Variants in NDUFAF6 observed in about 807,000 individuals in gnomAD.
NDUFAF6 encodes NADH dehydrogenase (ubiquinone) complex I, assembly factor 6.
NDUFAF6 carries 45 observed loss-of-function variants against 40.8 expected under a neutral mutation model. That is an observed-to-expected ratio of 1.10 (90% CI 0.87 to 1.42). The LOEUF (loss-of-function observed/expected upper bound fraction) is 1.42, where lower values mean the gene tolerates loss of function less well. Among genes scored for constraint, NDUFAF6 ranks in the 40% most tolerant of loss-of-function variants. The pLI, the probability that NDUFAF6 is intolerant of heterozygous loss-of-function variation, is 0.00. For synonymous variants in NDUFAF6, 185 were observed against 155.9 expected (o/e 1.19, Z -1.39); for missense variants, 435 against 418.5 (o/e 1.04, Z -0.34).
chr8:95,061,799 G>T (rs1261651588), downstream of NDUFAF6, among the ~76,000 whole-genome samples: 1 of 152,084 alleles, frequency 6.6e-6, no homozygotes, highest in Non-Finnish European at 1.5e-5. Flanking sequence ...TGTAGTATAC[G>T]CTGAAAGATA....
intron 9 of NDUFAF6, among the ~76,000 whole-genome samples, chr8:95,072,431 A>G (rs910034004): frequency 1.3e-5 from 2 of 152,244 alleles, no homozygotes; most frequent in African/African-American, 4.8e-5. Context: ...CTTGTAACAG[A>G]GCCCTTAGAT....
At chr8:95,104,769 C>G (rs1466169), downstream of NDUFAF6, among the ~76,000 whole-genome samples, 125,545 of 152,106 alleles carry the variant, frequency 0.83, 52,196 homozygotes, top group East Asian at 1. Flanking sequence ...CTGCAGCCCC[C>G]TCACAGCAAG....
intron 1 of NDUFAF6, among the ~76,000 whole-genome samples, chr8:94,971,084 G>A (rs1318508826): frequency 6.6e-6 from 1 of 152,244 alleles, no homozygotes; most frequent in African/African-American, 2.4e-5. Context: ...AAACTATTCT[G>A]TGTGAGTAAA....
chr8:94,998,256 C>G (rs1218884978), intron 2 of NDUFAF6, among the ~76,000 whole-genome samples: 1 of 152,136 alleles, frequency 6.6e-6, no homozygotes, highest in Middle Eastern at 3.2e-3. Flanking sequence ...GCCCCGTGCA[C>G]AAAGCACAAA....
At position 95,058,147 on chromosome 8, in the gene NDUFAF6, GCC is replaced by G; in HGVS notation, c.*212_*213del. Reference sequence around the variant, plus strand: ...AGAGGCACTGCCATTGGCACCCCTGGCCCAGACAGTGTCTGCTGTGCTGTCCC... The same window carrying G: ...AGAGGCACTGCCATTGGCACCCCTGGCAGACAGTGTCTGCTGTGCTGTCCC... On this transcript the variant is annotated 3_prime_UTR_variant, in exon 9 of 9. Coordinates refer to ENST00000396124, the MANE Select transcript of NDUFAF6 (RefSeq NM_152416.4). The G allele has an allele frequency of 6.9e-7, 1 of 1,443,042 alleles. No homozygotes were observed. 89.4% of individuals were successfully genotyped at this position (1,443,042 alleles called of 1,614,324 possible).
chr8:95,053,181 C>G (rs1284190720), intron 8 of NDUFAF6, among the ~76,000 whole-genome samples: 1 of 152,094 alleles, frequency 6.6e-6, no homozygotes, highest in African/African-American at 2.4e-5. Context: ...CTTAATTGAG[C>G]TTTTGCTAAT....
Position 95,069,812 on chromosome 8 carries a change from A to T in NDUFAF6, c.*512-5821A>T, listed in dbSNP as rs1458413759. On this transcript the variant is annotated intron_variant and NMD_transcript_variant, in intron 9 of 9. Transcript: ENST00000520757. ...AAAAAAAATTATATATATATATATA[A>T]ATATATATATATATAATATATATGT... 4.9e-5 allele frequency among the ~76,000 whole-genome samples: 7 copies of T among 143,886 alleles called. No homozygotes were observed. The East Asian group carries it at 7.9e-4, about 16-fold the overall frequency. 94.4% of individuals were successfully genotyped at this position (143,886 alleles called of 152,430 possible).
chr8:94,967,952 A>AG (rs1163641952), intron 1 of NDUFAF6, among the ~76,000 whole-genome samples: 2 of 151,998 alleles, frequency 1.3e-5, no homozygotes, highest in Non-Finnish European at 1.5e-5. Context: ...AAAAAAAAAA[A>AG]AAAAAGTCAG....
chr8:95,077,911 C>T (rs1256438895), downstream of NDUFAF6, among the ~76,000 whole-genome samples: 1 of 151,498 alleles, frequency 6.6e-6, no homozygotes, highest in Non-Finnish European at 1.5e-5. Context: ...TGGCCAGCCC[C>T]CCGAGATGGA....
At chr8:94,990,655 C>A (rs1156527768) in intron 2 of NDUFAF6, among the ~76,000 whole-genome samples, 1 of 152,192 alleles carries the variant, frequency 6.6e-6, no homozygotes, top group African/African-American at 2.4e-5. Flanking sequence ...CTACCCAGAG[C>A]AACAGCTACT....
chr8:94,899,488 CTATT>C (rs1321821552), intron 1 of NDUFAF6, among the ~76,000 whole-genome samples: 32 of 152,158 alleles, frequency 2.1e-4, no homozygotes, highest in South Asian at 2.1e-4. Context: ...CCTTCACATA[CTATT>C]AACTCCTTCA....
intron 9 of NDUFAF6, among the ~76,000 whole-genome samples, chr8:95,064,847 G>A (rs1027526664): frequency 2.1e-4 from 32 of 152,118 alleles, no homozygotes; most frequent in Non-Finnish European, 7.4e-5. Flanking sequence ...GAATCTAAAC[G>A]GACGGGCCTT....
intron 2 of NDUFAF6, among the ~76,000 whole-genome samples, chr8:95,084,585 C>T (rs146279226): frequency 3.0e-3 from 463 of 152,294 alleles, no homozygotes; most frequent in African/African-American, 0.01. Context: ...AACACATTGG[C>T]GTCACTTTCC....
chr8:95,057,330 G>A (rs1832308944), intron 8 of NDUFAF6, among the ~76,000 whole-genome samples: 1 of 152,108 alleles, frequency 6.6e-6, no homozygotes, highest in African/African-American at 2.4e-5. Context: ...TGATAATTTT[G>A]CCTGGTTGAA....
chr8:94,896,760 G>C (rs537376575), intron 1 of NDUFAF6: 297 of 152,270 alleles, frequency 2.0e-3, no homozygotes, highest in African/African-American at 6.9e-3. Context: ...TGCGCCGCTC[G>C]AGCGCGCTTG....
chr8:95,031,846 C>T lies in NDUFAF6; in HGVS notation c.198-149C>T, dbSNP rs1399755754. The T allele has an allele frequency of 1.0e-5, 7 of 702,488 alleles. No individual in the cohort carries two copies. In the Admixed American group the frequency reaches 1.3e-4, roughly 13 times the overall value. The allele number at this position is 702,488 out of a possible 1,614,324, so 43.5% of individuals were successfully genotyped here. ...GAACTCCTGGCTTCAGGTGATCCGCCCGCCTTGGCCTCCCAAAGTGCTGGG... is the reference window on the plus strand; with the variant it reads ...GAACTCCTGGCTTCAGGTGATCCGCTCGCCTTGGCCTCCCAAAGTGCTGGG... On this transcript the variant is annotated intron_variant, in intron 1 of 8. Coordinates refer to ENST00000396124, the MANE Select transcript of NDUFAF6 (RefSeq NM_152416.4).
chr8:95,046,010 A>AAAAGT (rs1422103683), intron 5 of NDUFAF6, among the ~76,000 whole-genome samples: 1 of 151,810 alleles, frequency 6.6e-6, no homozygotes, highest in Non-Finnish European at 1.5e-5. Flanking sequence ...ATGGAAAAAG[A>AAAAGT]AAAGTAGAAG....
chr8:95,116,144 A>G (rs1486625529), intron 5 of NDUFAF6: 2 of 159,870 alleles, frequency 1.3e-5, no homozygotes, highest in Admixed American at 6.4e-5. Context: ...TCTCAAAACA[A>G]AACAAAACAA....
At chr8:95,003,110 C>A (rs145263782) in intron 2 of NDUFAF6, among the ~76,000 whole-genome samples, 1 of 152,238 alleles carries the variant, frequency 6.6e-6, no homozygotes, top group Non-Finnish European at 1.5e-5. Flanking sequence ...GCCAGAGGGC[C>A]CTGGAGTCAT....
Sources: gnomAD v4.1 joint callset for allele counts (sites outside exome capture counted in the v4.1 genomes callset) on GRCh38, gnomAD v4.1.1 for gene constraint, MANE v1.5 for transcripts, NCBI Gene and HGNC (gene_info 2026-07-23, HGNC 2026-07-21) for gene names.